Variants in R3HDM2 observed in about 807,000 individuals in gnomAD.
R3HDM2 encodes the protein R3H domain-containing protein 2.
A neutral mutation model predicts 124.5 loss-of-function variants in R3HDM2; 38 were observed. The ratio of observed to expected loss-of-function variants is 0.31; its 90% CI spans 0.24 to 0.40. The LOEUF (loss-of-function observed/expected upper bound fraction) is 0.40, where lower values mean the gene tolerates loss of function less well. R3HDM2 is among the 10% of genes least tolerant of loss of function. R3HDM2 has a pLI of 1.00. For synonymous variants in R3HDM2, 391 were observed against 448.0 expected, an observed-to-expected ratio of 0.87 and a Z score of 1.61; for missense variants, 869 against 1,236.9, an observed-to-expected ratio of 0.70 and a Z score of 4.46.
At chr12:57,270,137 T>TTCAATTCATAGCACA in intron 14 of R3HDM2, 143 bp from the exon 15 acceptor site, 5 of 998,748 alleles carry the variant, frequency 5.0e-6, no homozygotes, top group South Asian at 1.6e-5. Context: ...TGCTGTGCTA[T>TTCAATTCATAGCACA]GAATTGAATA....
In R3HDM2 at chr12:57,324,741, C is replaced by CT. The variant is rs1363138734; in HGVS notation, c.-35-14279dup. 3.3e-5 allele frequency among the ~76,000 whole-genome samples: 5 copies of CT among 152,298 alleles called. No homozygotes were observed. In the East Asian group the frequency reaches 9.6e-4, roughly 29 times the overall value. On this transcript the variant is annotated intron_variant, in intron 2 of 23. Coordinates refer to ENST00000402412, the MANE Select transcript of R3HDM2 (RefSeq NM_001394031.1). Reference sequence around the variant, plus strand: ...CCATTGTAGCTAAATGAGTACATGACTAAGTTATAGTCCATGAGATATAAG... The same window carrying CT: ...CCATTGTAGCTAAATGAGTACATGACTTAAGTTATAGTCCATGAGATATAAG...
rs573047464 is a variant in R3HDM2 at position 57,358,722 on chromosome 12, A to G, written c.-36+37027T>C. Among the ~76,000 whole-genome samples the G allele has an allele frequency of 1.8e-4, 27 of 152,048 alleles. 1 individual carries two copies. The South Asian group carries it at 5.6e-3, about 32-fold the overall frequency. On this transcript the variant is annotated intron_variant, in intron 2 of 23. Coordinates refer to ENST00000402412, the MANE Select transcript of R3HDM2 (RefSeq NM_001394031.1). Reference sequence around the variant, plus strand: ...TATGGTCTATTTTAGTAAACATTCTATGAATACCAGTAAAGAATGTGTATC... The same window carrying G: ...TATGGTCTATTTTAGTAAACATTCTGTGAATACCAGTAAAGAATGTGTATC...
intron 1 of R3HDM2, among the ~76,000 whole-genome samples, chr12:57,427,155 G>A (rs929273544): frequency 6.6e-6 from 1 of 151,780 alleles, no homozygotes; most frequent in Non-Finnish European, 1.5e-5. Context: ...GTTGGACGTG[G>A]TGGCGCGTGC....
At chr12:57,255,634 G>T (rs796929783) in intron 23 of R3HDM2, among the ~76,000 whole-genome samples, 1 of 152,142 alleles carries the variant, frequency 6.6e-6, no homozygotes, top group Non-Finnish European at 1.5e-5. Context: ...CTTGTAGGAC[G>T]AGAGTTTCTC....
At chr12:57,255,918 C>G in intron 23 of R3HDM2, 72 bp downstream of exon 23, 1 of 1,359,172 alleles carries the variant, frequency 7.4e-7, no homozygotes, top group Non-Finnish European at 1.0e-6. Flanking sequence ...TTTTCCCACC[C>G]ATGCTGGACT....
chr12:57,382,931 C>T (rs778019185), intron 2 of R3HDM2, among the ~76,000 whole-genome samples: 11 of 151,988 alleles, frequency 7.2e-5, no homozygotes, highest in Non-Finnish European at 1.5e-4. Flanking sequence ...AGTGCAATGG[C>T]GCAATCTCGC....
chr12:57,286,130 T>TG (rs2047281881), intron 12 of R3HDM2, among the ~76,000 whole-genome samples: 1 of 152,188 alleles, frequency 6.6e-6, no homozygotes, highest in African/African-American at 2.4e-5. Flanking sequence ...GTGTGTATGT[T>TG]GGAGAGATGG....
chr12:57,430,550 A>G, intron 1 of R3HDM2, 170 bp downstream of exon 1: 1 of 982,490 alleles, frequency 1.0e-6, no homozygotes, highest in Non-Finnish European at 1.2e-6. Context: ...GCACACTTGG[A>G]GCAGTCCTTC....
chr12:57,309,480 C>A (rs973598898), intron 3 of R3HDM2, among the ~76,000 whole-genome samples: 1 of 152,136 alleles, frequency 6.6e-6, no homozygotes, highest in African/African-American at 2.4e-5. Context: ...TACTACAGTA[C>A]GAATTTGGAT....
chr12:57,272,431 A>C (rs1454301430), intron 14 of R3HDM2: 20 of 1,531,804 alleles, frequency 1.3e-5, no homozygotes, highest in Admixed American at 7.9e-5. Context: ...AACAAGACAA[A>C]AAGGGGGAAT....
intron 2 of R3HDM2, among the ~76,000 whole-genome samples, chr12:57,343,447 C>A (rs1199231652): frequency 3.3e-5 from 5 of 151,834 alleles, no homozygotes; most frequent in Non-Finnish European, 7.4e-5. Flanking sequence ...CCTTGGCCTC[C>A]CAAAATGCTG....
chr12:57,297,519 T>C (rs2050144547), intron 7 of R3HDM2, 132 bp from the exon 8 acceptor site: 1 of 556,266 alleles, frequency 1.8e-6, no homozygotes, highest in Non-Finnish European at 3.2e-6. Context: ...AACCCAGTAA[T>C]GAACCATAAT....
At chr12:57,380,969 C>T (rs772088708) in intron 2 of R3HDM2, among the ~76,000 whole-genome samples, 31 of 152,068 alleles carry the variant, frequency 2.0e-4, no homozygotes, top group Non-Finnish European at 4.1e-4. Context: ...GTGGCCCACA[C>T]CTGTAATCCC....
At chr12:57,315,238 A>G (rs2054766976) in intron 2 of R3HDM2, among the ~76,000 whole-genome samples, 1 of 152,048 alleles carries the variant, frequency 6.6e-6, no homozygotes, top group South Asian at 2.1e-4. Flanking sequence ...GGGTTTCACC[A>G]TGTTGGCCAG....
chr12:57,270,140 A>G, intron 14 of R3HDM2, 146 bp from the exon 15 acceptor site: 1 of 976,480 alleles, frequency 1.0e-6, no homozygotes, highest in South Asian at 1.6e-5. Flanking sequence ...TGTGCTATGA[A>G]TTGAATAGCT....
intron 14 of R3HDM2, among the ~76,000 whole-genome samples, chr12:57,273,630 T>C (rs2044062800): frequency 6.6e-6 from 1 of 152,242 alleles, no homozygotes; most frequent in Non-Finnish European, 1.5e-5. Context: ...ACAGTTAATA[T>C]GGCAGAGCTG....
intron 2 of R3HDM2, among the ~76,000 whole-genome samples, chr12:57,333,715 A>G (rs1175941408): frequency 6.6e-6 from 1 of 151,310 alleles, no homozygotes; most frequent in Non-Finnish European, 1.5e-5. Flanking sequence ...ACATAAATAA[A>G]TATTTCTAGA....
chr12:57,341,496 C>T, intron 2 of R3HDM2: 1 of 803,148 alleles, frequency 1.2e-6, no homozygotes, highest in South Asian at 5.7e-5. Context: ...CCCATCTCTG[C>T]ACTCTTTAGA....
At chr12:57,361,059 A>AG (rs1360720986) in intron 2 of R3HDM2, among the ~76,000 whole-genome samples, 1 of 139,936 alleles carries the variant, frequency 7.1e-6, no homozygotes, top group Non-Finnish European at 1.6e-5. Context: ...AAAAAAAAAA[A>AG]AAAAAAAAAA....
Sources: gnomAD v4.1 joint callset for allele counts (sites outside exome capture counted in the v4.1 genomes callset) on GRCh38, gnomAD v4.1.1 for gene constraint, MANE v1.5 for transcripts, NCBI Gene and HGNC (gene_info 2026-07-23, HGNC 2026-07-21) for gene names.